Variants in RORA observed in about 807,000 individuals in gnomAD.
RORA encodes nuclear receptor ROR-alpha.
In RORA, 7 loss-of-function variants were observed where a neutral mutation model predicts 69.5. That is an observed-to-expected ratio of 0.10 (90% CI 0.06 to 0.19). The LOEUF is 0.19. Ranked by LOEUF, RORA falls within the 10% of genes least tolerant of loss-of-function variation. The pLI is 1.00. For missense variants in RORA, 457 were observed against 663.0 expected (o/e 0.69, Z 3.41); for synonymous variants, 261 against 240.8 (o/e 1.08, Z -0.78).
chr15:61,157,110 C>T (rs962331481), intron 1 of RORA, among the ~76,000 whole-genome samples: 14 of 152,244 alleles, frequency 9.2e-5, no homozygotes, highest in African/African-American at 2.9e-4. Flanking sequence ...AGGTAGCACA[C>T]GGCACATGGT....
At chr15:60,807,649 G>A (rs2072678430) in intron 1 of RORA, among the ~76,000 whole-genome samples, 1 of 152,168 alleles carries the variant, frequency 6.6e-6, no homozygotes, top group Non-Finnish European at 1.5e-5. Context: ...CAAATCTGGA[G>A]GCATCACATT....
At chr15:60,792,796 A>G (rs895473393) in intron 1 of RORA, among the ~76,000 whole-genome samples, 1 of 152,188 alleles carries the variant, frequency 6.6e-6, no homozygotes, top group Non-Finnish European at 1.5e-5. Flanking sequence ...TCTTAAGGGA[A>G]ATGACACCAA....
In RORA at chr15:60,876,686, T is replaced by C. The variant is rs1327553602; in HGVS notation, c.167-198000A>G. 2.0e-5 allele frequency among the ~76,000 whole-genome samples: 3 copies of C among 152,150 alleles called. No individual in the cohort carries two copies. The South Asian group carries it at 6.2e-4, about 32-fold the overall frequency. ...TTCCAGGTAATTTTCAAAGAGAAAC[T>C]TCATCTAGTGTTTATGCTTCAATCA... On this transcript the variant is annotated intron_variant, in intron 1 of 10. Coordinates refer to ENST00000335670, the MANE Select transcript of RORA (RefSeq NM_134261.3).
At position 60,890,315 on chromosome 15, in the gene RORA, A is replaced by C. The variant is rs369832088; in HGVS notation, c.167-211629T>G. Among the ~76,000 whole-genome samples the C allele has an allele frequency of 9.8e-5, 15 of 152,362 alleles. No homozygotes were observed. In the East Asian group the frequency reaches 1.2e-3, roughly 12 times the overall value. ...ATACTGCATATTTCTAAAATGTCCC[A>C]TTTAATGCCACTCTTTAACTACAGA... On this transcript the variant is annotated intron_variant, in intron 1 of 10. Transcript: ENST00000335670.
chr15:61,045,198 C>T (rs768499225), intron 1 of RORA, among the ~76,000 whole-genome samples: 9 of 152,108 alleles, frequency 5.9e-5, no homozygotes, highest in Non-Finnish European at 7.4e-5. Context: ...CTTTCCCATG[C>T]TGTTCTCATG....
chr15:61,050,432 T>A (rs1002880776), intron 1 of RORA, among the ~76,000 whole-genome samples: 1 of 152,200 alleles, frequency 6.6e-6, no homozygotes, highest in African/African-American at 2.4e-5. Flanking sequence ...TGGTTAGAAT[T>A]TAATAATTAC....
At chr15:60,810,975 G>C (rs2072735020) in intron 1 of RORA, among the ~76,000 whole-genome samples, 1 of 152,178 alleles carries the variant, frequency 6.6e-6, no homozygotes, top group Admixed American at 6.5e-5. Context: ...TCTTAGACTA[G>C]TCAGATACCA....
intron 2 of RORA, among the ~76,000 whole-genome samples, chr15:60,657,350 G>A (rs1450190413): frequency 6.6e-6 from 1 of 152,074 alleles, no homozygotes; most frequent in Non-Finnish European, 1.5e-5. Flanking sequence ...CACCCCCTGG[G>A]GAAGCAGGCC....
intron 2 of RORA, among the ~76,000 whole-genome samples, chr15:60,648,052 T>C (rs1352947450): frequency 6.6e-6 from 1 of 152,176 alleles, no homozygotes; most frequent in East Asian, 1.9e-4. Flanking sequence ...CTGACTTCGA[T>C]TGGCTAACTT....
Position 60,501,013 on chromosome 15 carries a change from G to C in RORA, c.1240C>G (p.His414Asp), listed in dbSNP as rs1414348580. 1 of 1,610,776 alleles carries C rather than the reference G, an allele frequency of 6.2e-7. No homozygotes were observed. The highest frequency in any genetic ancestry group is 8.5e-7 in the Non-Finnish European group (1 of 1,177,372). Residue 414 changes from histidine (H) to aspartate (D), a missense_variant, in exon 9 of 11, where the codon CAC (histidine) becomes GAC (aspartate). Physicochemically the swap from His to Asp is moderately conservative, Grantham distance 81. Coordinates refer to ENST00000335670, the MANE Select transcript of RORA (RefSeq NM_134261.3). ...AATGCAATTTCATCTTCAGTCAGGT[G>C]CATAGAACATAAACTCTTTCCAAAT... ...FEFGKSLCSMHLTEDEIALFS... is the reference protein window; with the variant it reads ...FEFGKSLCSMDLTEDEIALFS...
At chr15:60,659,817 C>G (rs890283555) in intron 2 of RORA, among the ~76,000 whole-genome samples, 1 of 152,178 alleles carries the variant, frequency 6.6e-6, no homozygotes, top group African/African-American at 2.4e-5. Flanking sequence ...TCCCATCCCC[C>G]TGCTAAAACA....
chr15:60,767,130 G>A (rs1226315293), intron 1 of RORA, among the ~76,000 whole-genome samples: 1 of 152,186 alleles, frequency 6.6e-6, no homozygotes, highest in African/African-American at 2.4e-5. Context: ...TTGGAAAATT[G>A]GAAGGTGTGA....
chr15:60,989,465 C>T (rs995200520), intron 1 of RORA, among the ~76,000 whole-genome samples: 5 of 152,144 alleles, frequency 3.3e-5, no homozygotes, highest in African/African-American at 1.2e-4. Flanking sequence ...ATCCATTAAT[C>T]AGTTGATGGA....
chr15:61,026,720 T>G (rs1026069587), intron 1 of RORA, among the ~76,000 whole-genome samples: 8 of 152,200 alleles, frequency 5.3e-5, no homozygotes. Flanking sequence ...TAAACAGGAA[T>G]AGATGAAGGA....
chr15:60,924,301 G>A (rs548149457), intron 1 of RORA, among the ~76,000 whole-genome samples: 5 of 109,904 alleles, frequency 4.5e-5, no homozygotes, highest in Non-Finnish European at 1.2e-4. Context: ...TTAAAACTAA[G>A]CACACAACTG....
At chr15:61,004,167 A>T (rs994791549) in intron 1 of RORA, among the ~76,000 whole-genome samples, 2 of 152,084 alleles carry the variant, frequency 1.3e-5, no homozygotes, top group African/African-American at 4.8e-5. Context: ...CTTTATTGAC[A>T]GTACTTACTT....
At chr15:60,857,824 C>T (rs2073396759) in intron 1 of RORA, among the ~76,000 whole-genome samples, 1 of 152,164 alleles carries the variant, frequency 6.6e-6, no homozygotes, top group Non-Finnish European at 1.5e-5. Context: ...ATTATAGGAT[C>T]CCAGGATATT....
chr15:61,216,861 G>T (rs2035554644), intron 1 of RORA, among the ~76,000 whole-genome samples: 3 of 152,118 alleles, frequency 2.0e-5, no homozygotes, highest in Non-Finnish European at 4.4e-5. Flanking sequence ...CACACACCTG[G>T]GTCTTGGCCC....
intron 1 of RORA, among the ~76,000 whole-genome samples, chr15:60,784,814 A>G (rs961700329): frequency 2.6e-5 from 4 of 152,204 alleles, no homozygotes; most frequent in African/African-American, 4.8e-5. Context: ...AATGTCGCCT[A>G]TGCCCTTCAC....
Sources: allele counts gnomAD v4.1 joint callset (sites outside exome capture counted in the v4.1 genomes callset), GRCh38; gene constraint gnomAD v4.1.1; transcripts MANE v1.5; gene names NCBI Gene and HGNC (gene_info 2026-07-23, HGNC 2026-07-21).